UBAP1: variants seen among roughly 807,000 people sequenced by gnomAD.
UBAP1 encodes the protein ubiquitin-associated protein 1.
UBAP1 carries 5 observed loss-of-function variants against 39.0 expected under a neutral mutation model. The ratio of observed to expected loss-of-function variants is 0.13; its 90% CI spans 0.07 to 0.27. The LOEUF is 0.27. Among genes scored for constraint, UBAP1 ranks in the 10% least tolerant of loss-of-function variants. UBAP1 has a pLI of 1.00. For missense variants in UBAP1, 490 were observed against 608.1 expected (o/e 0.81, Z 2.04); for synonymous variants, 211 against 225.1 (o/e 0.94, Z 0.56).
intron 2 of UBAP1, among the ~76,000 whole-genome samples, chr9:34,229,297 G>A (rs190569359): frequency 1.7e-4 from 24 of 144,602 alleles, no homozygotes; most frequent in Admixed American, 1.5e-3. Context: ...TTGTTCTGTT[G>A]CCCAGGCTGC....
Position 34,179,085 on chromosome 9 carries a change from GC to G in UBAP1, c.-162del. 2 of 1,278,930 alleles carry G rather than the reference GC, an allele frequency of 1.6e-6. No individual in the cohort carries two copies. Among genetic ancestry groups the G allele is most frequent in the Non-Finnish European group, 2.0e-6 (2 of 1,010,590 alleles). The allele number at this position is 1,278,930 out of a possible 1,614,324, so 79.2% of individuals were successfully genotyped here. On this transcript the variant is annotated 5_prime_UTR_variant, in exon 1 of 7. It introduces an in-frame stop codon into an upstream open reading frame of the 5' UTR. Transcript: ENST00000297661. ...CATGGCGGCTGCGGCACTGGCGGTGGCTACGGTGACGGCCTGGCCCGGAGCG... is the reference window on the plus strand; with the variant it reads ...CATGGCGGCTGCGGCACTGGCGGTGGTACGGTGACGGCCTGGCCCGGAGCG...
At chr9:34,219,747 TCC>T (rs1288366838) in intron 1 of UBAP1, among the ~76,000 whole-genome samples, 29 of 31,356 alleles carry the variant, frequency 9.2e-4, no homozygotes, top group Non-Finnish European at 1.6e-3. Context: ...CCCCTTCCCC[TCC>T]CCTCCCCTCC....
At chr9:34,208,962 T>A (rs955858208) in intron 1 of UBAP1, among the ~76,000 whole-genome samples, 2 of 151,412 alleles carry the variant, frequency 1.3e-5, no homozygotes, top group South Asian at 4.2e-4. Flanking sequence ...TGAGGTGGAG[T>A]CTCACTCTGT....
At chr9:34,234,414 T>A in intron 3 of UBAP1, 74 bp downstream of exon 3, 1 of 1,483,964 alleles carries the variant, frequency 6.7e-7, no homozygotes. Context: ...TATAGTGAAA[T>A]AGAAAAAATT....
At chr9:34,195,645 TG>T (rs1587802028) in intron 1 of UBAP1, among the ~76,000 whole-genome samples, 1 of 151,870 alleles carries the variant, frequency 6.6e-6, no homozygotes, top group East Asian at 1.9e-4. Flanking sequence ...TTGCCCAGGC[TG>T]GAGTGCAATG....
At chr9:34,199,881 TC>T (rs1831274052) in intron 1 of UBAP1, among the ~76,000 whole-genome samples, 1 of 149,988 alleles carries the variant, frequency 6.7e-6, no homozygotes, top group African/African-American at 2.5e-5. Context: ...GCTTAAGAGA[TC>T]CGATCCTTCT....
intron 6 of UBAP1, 156 bp downstream of exon 6, chr9:34,250,915 G>A (rs1184936232): frequency 1.5e-6 from 1 of 679,428 alleles, no homozygotes; most frequent in South Asian, 1.5e-5. Context: ...ATTCAGACAG[G>A]CCGAGGCCTG....
intron 2 of UBAP1, among the ~76,000 whole-genome samples, chr9:34,232,236 C>T (rs1444859742): frequency 6.6e-6 from 1 of 152,124 alleles, no homozygotes; most frequent in Non-Finnish European, 1.5e-5. Flanking sequence ...CTCAGATGAT[C>T]CACCTGCCTT....
At chr9:34,227,878 CCA>C (rs1209401385) in intron 2 of UBAP1, among the ~76,000 whole-genome samples, 2 of 152,240 alleles carry the variant, frequency 1.3e-5, no homozygotes, top group African/African-American at 4.8e-5. Flanking sequence ...ATGGACAATT[CCA>C]CTTTGGGAGG....
chr9:34,238,223 T>G (rs1208710877), intron 3 of UBAP1, among the ~76,000 whole-genome samples: 1 of 152,234 alleles, frequency 6.6e-6, no homozygotes, highest in African/African-American at 2.4e-5. Flanking sequence ...GAATAATATT[T>G]CATTGTTTGG....
intron 2 of UBAP1, among the ~76,000 whole-genome samples, chr9:34,233,686 G>T (rs1410143657): frequency 6.6e-6 from 1 of 152,146 alleles, no homozygotes; most frequent in Admixed American, 6.6e-5. Context: ...AAGGCAATAA[G>T]TGTTATGGGG....
At chr9:34,222,722 C>T (rs182233212) in intron 2 of UBAP1, among the ~76,000 whole-genome samples, 1 of 151,608 alleles carries the variant, frequency 6.6e-6, no homozygotes, top group African/African-American at 2.4e-5. Context: ...GTGCTGAGCC[C>T]GGGAGGTCAA....
chr9:34,230,353 C>T (rs1260746010), intron 2 of UBAP1, among the ~76,000 whole-genome samples: 5 of 152,256 alleles, frequency 3.3e-5, no homozygotes, highest in Admixed American at 2.0e-4. Context: ...CGTGAGCTGC[C>T]GCACCTGGCC....
At chr9:34,217,743 G>T (rs2131570358) in intron 1 of UBAP1, among the ~76,000 whole-genome samples, 1 of 135,904 alleles carries the variant, frequency 7.4e-6, no homozygotes, top group Non-Finnish European at 1.5e-5. Flanking sequence ...ACAAAGTCCT[G>T]CAGATTCATT....
At chr9:34,180,889 C>CA (rs1435827416) in intron 1 of UBAP1, among the ~76,000 whole-genome samples, 1 of 151,140 alleles carries the variant, frequency 6.6e-6, no homozygotes, top group Admixed American at 6.6e-5. Context: ...TGGCTTGCTG[C>CA]AACCTCCGCC....
chr9:34,234,470 T>C, intron 3 of UBAP1, 130 bp downstream of exon 3: 3 of 1,045,146 alleles, frequency 2.9e-6, no homozygotes, highest in African/African-American at 1.6e-5. Context: ...GGACCACATA[T>C]ACAATGGTGG....
chr9:34,189,313 C>G (rs990280083), intron 1 of UBAP1, among the ~76,000 whole-genome samples: 1 of 151,632 alleles, frequency 6.6e-6, no homozygotes, highest in Non-Finnish European at 1.5e-5. Context: ...CTCAGCCTCC[C>G]GAGTAGCTGG....
At position 34,252,354 on chromosome 9, in the gene UBAP1, C is replaced by A. The variant is rs1834606200; in HGVS notation, c.*822C>A. ...TCCAGCCCACTGCTTTAGGATGACA[C>A]AATGAATAACACCTAGTCATAGAAA... is the stretch of plus-strand genomic sequence containing the variant. On this transcript the variant is annotated 3_prime_UTR_variant, in exon 7 of 7. Transcript: ENST00000297661. The A allele has an allele frequency of 1.3e-5, 2 of 152,670 alleles. No homozygotes were observed. Among genetic ancestry groups the A allele is most frequent in the African/African-American group, 4.8e-5 (2 of 41,452 alleles). The allele number at this position is 152,670 out of a possible 1,614,324, so 9.5% of individuals were successfully genotyped here.
chr9:34,183,896 G>C (rs1223918081), intron 1 of UBAP1, among the ~76,000 whole-genome samples: 1 of 151,434 alleles, frequency 6.6e-6, no homozygotes, highest in African/African-American at 2.4e-5. Context: ...CCAGGCTCCC[G>C]AGTAGCTGGA....
Sources: allele counts gnomAD v4.1 joint callset (sites outside exome capture counted in the v4.1 genomes callset), GRCh38; gene constraint gnomAD v4.1.1; transcripts MANE v1.5; gene names NCBI Gene and HGNC (gene_info 2026-07-23, HGNC 2026-07-21).